The following NCAM1 variants were observed in gnomAD, a reference collection of about 807,000 sequenced individuals.
NCAM1 encodes antigen recognized by monoclonal antibody 5.1H11.
In NCAM1, 14 loss-of-function variants were observed where a neutral mutation model predicts 109.8. That is an observed-to-expected ratio of 0.13 (90% CI 0.08 to 0.20). The LOEUF (loss-of-function observed/expected upper bound fraction) is 0.20, where lower values mean the gene tolerates loss of function less well. Among genes scored for constraint, NCAM1 ranks in the 10% least tolerant of loss-of-function variants. NCAM1 has a pLI of 1.00. For synonymous variants in NCAM1, 418 were observed against 442.9 expected (o/e 0.94, Z 0.70); for missense variants, 774 against 1,109.9 (o/e 0.70, Z 4.30).
intron 1 of NCAM1, among the ~76,000 whole-genome samples, chr11:113,108,000 T>G (rs1384145467): frequency 6.6e-6 from 1 of 152,224 alleles, no homozygotes; most frequent in African/African-American, 2.4e-5. Context: ...CATTTGGAGA[T>G]AAGTTCCCCC....
In NCAM1 at chr11:112,961,526, T is replaced by C. The variant is rs782602069; in HGVS notation, c.-87T>C. On this transcript the variant is annotated 5_prime_UTR_variant, in exon 1 of 20. Transcript: ENST00000316851. ...TGGCAATTGTCTGCCCCTAGGTCTG[T>C]CGCTCAGCCGCCGTCCACACTCGCT... 1.7e-5 allele frequency: 15 copies of C among 880,238 alleles called. No individual in the cohort carries two copies. In the African/African-American group the frequency reaches 2.1e-4, roughly 13 times the overall value. 54.5% of individuals were successfully genotyped at this position (880,238 alleles called of 1,614,324 possible).
intron 1 of NCAM1, among the ~76,000 whole-genome samples, chr11:113,099,526 T>G (rs1352560166): frequency 6.6e-6 from 1 of 152,130 alleles, no homozygotes; most frequent in East Asian, 1.9e-4. Flanking sequence ...CAGAGGAATG[T>G]GCGTTAACAA....
chr11:112,995,187 T>TA (rs1379364129), intron 1 of NCAM1, among the ~76,000 whole-genome samples: 2 of 136,056 alleles, frequency 1.5e-5, no homozygotes, highest in East Asian at 5.7e-4. Flanking sequence ...AACTGCATCC[T>TA]ACCCCCCGCC....
intron 1 of NCAM1, among the ~76,000 whole-genome samples, chr11:113,137,738 T>G (rs1941654456): frequency 1.3e-5 from 2 of 152,220 alleles, no homozygotes; most frequent in South Asian, 4.1e-4. Flanking sequence ...TTAAAGAGCA[T>G]TTTCTTGAGC....
intron 1 of NCAM1, among the ~76,000 whole-genome samples, chr11:113,043,993 T>C (rs1386987827): frequency 3.3e-5 from 5 of 152,164 alleles, no homozygotes; most frequent in African/African-American, 1.2e-4. Flanking sequence ...CTCACTATTT[T>C]TAGTGATGTT....
chr11:113,069,508 G>A (rs187846754), intron 1 of NCAM1, among the ~76,000 whole-genome samples: 8 of 152,292 alleles, frequency 5.3e-5, no homozygotes, highest in African/African-American at 1.4e-4. Flanking sequence ...AGAAGGACCC[G>A]GAAGGAACCA....
chr11:113,229,654 C>T (rs1555116829), intron 9 of NCAM1, among the ~76,000 whole-genome samples: 2 of 152,108 alleles, frequency 1.3e-5, no homozygotes, highest in African/African-American at 4.8e-5. Flanking sequence ...TACAGCAGTG[C>T]TCACAATAGC....
intron 7 of NCAM1, among the ~76,000 whole-genome samples, chr11:113,212,920 C>T (rs573370595): frequency 1.3e-5 from 2 of 152,268 alleles, no homozygotes; most frequent in South Asian, 4.1e-4. Flanking sequence ...AATCTATGAA[C>T]ATTTGGCCAG....
At chr11:113,217,678 C>T (rs1555114583) in intron 8 of NCAM1, among the ~76,000 whole-genome samples, 1 of 152,066 alleles carries the variant, frequency 6.6e-6, no homozygotes, top group Non-Finnish European at 1.5e-5. Context: ...TTACATGATC[C>T]CCATTTAAGC....
At chr11:113,094,844 A>G (rs1056409169) in intron 1 of NCAM1, among the ~76,000 whole-genome samples, 1 of 152,230 alleles carries the variant, frequency 6.6e-6, no homozygotes, top group Non-Finnish European at 1.5e-5. Context: ...AGTCTTTTCT[A>G]AGTCACATTG....
chr11:113,054,267 T>C (rs1230116831), intron 1 of NCAM1, among the ~76,000 whole-genome samples: 1 of 152,250 alleles, frequency 6.6e-6, no homozygotes, highest in East Asian at 1.9e-4. Flanking sequence ...AAGATTGCTC[T>C]GATCCTAATG....
chr11:113,051,317 G>A (rs1197025565), intron 1 of NCAM1, among the ~76,000 whole-genome samples: 1 of 152,172 alleles, frequency 6.6e-6, no homozygotes, highest in Non-Finnish European at 1.5e-5. Flanking sequence ...CTTTTGGTGG[G>A]AGAGTTTCTT....
At chr11:113,257,474 A>G (rs773514956) in intron 16 of NCAM1, among the ~76,000 whole-genome samples, 1 of 152,218 alleles carries the variant, frequency 6.6e-6, no homozygotes, top group Admixed American at 6.5e-5. Context: ...TGCACCTGAC[A>G]CTTGGAAACC....
intron 1 of NCAM1, among the ~76,000 whole-genome samples, chr11:113,062,083 G>T (rs142258263): frequency 6.6e-6 from 1 of 152,188 alleles, no homozygotes; most frequent in Non-Finnish European, 1.5e-5. Context: ...ATGCATGCAC[G>T]TAGAAACTGA....
At chr11:113,134,120 C>A (rs1002755840) in intron 1 of NCAM1, among the ~76,000 whole-genome samples, 1 of 152,048 alleles carries the variant, frequency 6.6e-6, no homozygotes, top group Admixed American at 6.6e-5. Flanking sequence ...AAGTCTATAC[C>A]CATTAAAGAA....
At chr11:113,009,341 T>A (rs915660465) in intron 1 of NCAM1, among the ~76,000 whole-genome samples, 8 of 129,136 alleles carry the variant, frequency 6.2e-5, no homozygotes, top group African/African-American at 1.5e-4. Context: ...TTTTTTTTTT[T>A]ATTGAGATGG....
At chr11:113,256,098 G>T in intron 16 of NCAM1, 97 bp downstream of exon 16, 8 of 1,461,658 alleles carry the variant, frequency 5.5e-6, no homozygotes, top group Non-Finnish European at 6.4e-6. Context: ...GCAGGGGTGG[G>T]ATGGGGTCTT....
chr11:113,199,650 G>A (rs1943975039), intron 1 of NCAM1, among the ~76,000 whole-genome samples: 1 of 151,412 alleles, frequency 6.6e-6, no homozygotes, highest in African/African-American at 2.4e-5. Flanking sequence ...GGGGGACGGG[G>A]GAGGGATAGC....
At chr11:113,177,295 A>G (rs573219475) in intron 1 of NCAM1, among the ~76,000 whole-genome samples, 1 of 152,162 alleles carries the variant, frequency 6.6e-6, no homozygotes, top group East Asian at 1.9e-4. Flanking sequence ...ATCTTCCCCA[A>G]TCATGCTAGG....
Sources: gnomAD v4.1 joint callset for allele counts (sites outside exome capture counted in the v4.1 genomes callset) on GRCh38, gnomAD v4.1.1 for gene constraint, MANE v1.5 for transcripts, NCBI Gene and HGNC (gene_info 2026-07-23, HGNC 2026-07-21) for gene names.